The following FRMD4A variants were observed in gnomAD, a reference collection of about 807,000 sequenced individuals.
The protein encoded by FRMD4A is FERM domain containing 4A, also known as FERM domain-containing protein 4A.
In FRMD4A, 29 loss-of-function variants were observed where a neutral mutation model predicts 129.1. That is an observed-to-expected ratio of 0.22 (90% CI 0.17 to 0.31). FRMD4A has a LOEUF of 0.31. FRMD4A is among the 10% of genes least tolerant of loss of function. The pLI, the probability that FRMD4A is intolerant of heterozygous loss-of-function variation, is 1.00. For missense variants in FRMD4A, 1,272 were observed against 1,375.8 expected (o/e 0.92, Z 1.19); for synonymous variants, 634 against 571.6 (o/e 1.11, Z -1.56).
intron 2 of FRMD4A, among the ~76,000 whole-genome samples, chr10:14,150,141 C>A (rs773823915): frequency 5.9e-5 from 9 of 152,186 alleles, no homozygotes; most frequent in East Asian, 1.9e-4. Flanking sequence ...CCCCATGATC[C>A]AATCACCTCC....
At chr10:14,142,649 T>C (rs1839893203) in intron 2 of FRMD4A, among the ~76,000 whole-genome samples, 1 of 152,220 alleles carries the variant, frequency 6.6e-6, no homozygotes, top group Non-Finnish European at 1.5e-5. Context: ...TCCAATGCAG[T>C]CATTTATAGA....
intron 6 of FRMD4A, among the ~76,000 whole-genome samples, chr10:13,780,143 A>G (rs1383165620): frequency 1.3e-5 from 2 of 152,176 alleles, no homozygotes; most frequent in Non-Finnish European, 2.9e-5. Context: ...CCTGGGCAAC[A>G]TGGCAAAACC....
chr10:13,765,487 A>T (rs2092255563), intron 6 of FRMD4A, among the ~76,000 whole-genome samples: 2 of 152,126 alleles, frequency 1.3e-5, no homozygotes, highest in African/African-American at 4.8e-5. Context: ...CAATGCATTC[A>T]AGCACACCTG....
chr10:13,921,300 T>C (rs977233529), intron 2 of FRMD4A, among the ~76,000 whole-genome samples: 3 of 27,710 alleles, frequency 1.1e-4, no homozygotes, highest in African/African-American at 1.8e-4. Context: ...TCTCACTCTG[T>C]TACCCAGGCT....
chr10:13,967,107 C>A (rs544350822), intron 2 of FRMD4A, among the ~76,000 whole-genome samples: 2 of 152,166 alleles, frequency 1.3e-5, no homozygotes, highest in African/African-American at 4.8e-5. Context: ...GAGGCCGAGG[C>A]GGGCAGATCA....
intron 2 of FRMD4A, among the ~76,000 whole-genome samples, chr10:14,312,931 A>C (rs1483496199): frequency 3.3e-5 from 5 of 152,214 alleles, no homozygotes; most frequent in African/African-American, 1.2e-4. Context: ...AAGATGTTGC[A>C]TATGTGCAGA....
chr10:13,787,763 T>C (rs192165111), intron 5 of FRMD4A, among the ~76,000 whole-genome samples: 1 of 151,736 alleles, frequency 6.6e-6, no homozygotes, highest in South Asian at 2.1e-4. Context: ...TTTTTTTTTT[T>C]AATCCAGTTT....
At chr10:14,240,632 T>A (rs1350029161) in intron 2 of FRMD4A, among the ~76,000 whole-genome samples, 2 of 152,186 alleles carry the variant, frequency 1.3e-5, no homozygotes, top group Non-Finnish European at 2.9e-5. Flanking sequence ...TGTACCTGCA[T>A]AACGTTTAAC....
intron 12 of FRMD4A, among the ~76,000 whole-genome samples, chr10:13,717,616 ATT>A (rs10593675): frequency 0.79 from 102,573 of 130,114 alleles, 40,686 homozygotes; most frequent in East Asian, 0.85. Context: ...ACCCGGCTAA[ATT>A]TTTTTTTTTT....
chr10:14,254,393 G>T (rs1844539140), intron 2 of FRMD4A, among the ~76,000 whole-genome samples: 1 of 152,108 alleles, frequency 6.6e-6, no homozygotes, highest in Non-Finnish European at 1.5e-5. Flanking sequence ...CTTTGTCTGA[G>T]GTGGAAGAAG....
chr10:14,148,025 CTCTG>C (rs1159375874), intron 2 of FRMD4A, among the ~76,000 whole-genome samples: 1 of 152,146 alleles, frequency 6.6e-6, no homozygotes, highest in Non-Finnish European at 1.5e-5. Context: ...ATTCTTAGAT[CTCTG>C]TCTGGGACGA....
chr10:13,891,824 G>T, intron 2 of FRMD4A: 2 of 799,420 alleles, frequency 2.5e-6, no homozygotes, highest in Non-Finnish European at 3.0e-6. Flanking sequence ...GCCCGCTCGC[G>T]CCTCTCGCGC....
intron 12 of FRMD4A, among the ~76,000 whole-genome samples, chr10:13,734,838 TTCTATTTA>T (rs1277817418): frequency 2.3e-3 from 327 of 141,864 alleles, no homozygotes; most frequent in African/African-American, 7.9e-3. Flanking sequence ...CTTCTTCTTT[TTCTATTTA>T]TTTATTTATT....
At chr10:13,924,502 G>C (rs1340178670) in intron 2 of FRMD4A, among the ~76,000 whole-genome samples, 1 of 151,524 alleles carries the variant, frequency 6.6e-6, no homozygotes, top group African/African-American at 2.4e-5. Flanking sequence ...TCTTCCCCCA[G>C]ATAGCATCTC....
intron 15 of FRMD4A, among the ~76,000 whole-genome samples, chr10:13,683,666 G>A (rs1268826247): frequency 4.6e-5 from 7 of 151,834 alleles, no homozygotes; most frequent in African/African-American, 1.5e-4. Flanking sequence ...ACCCACAGCC[G>A]GGAGCTAACT....
At chr10:14,177,823 C>T (rs1366223526) in intron 2 of FRMD4A, among the ~76,000 whole-genome samples, 4 of 152,170 alleles carry the variant, frequency 2.6e-5, no homozygotes, top group African/African-American at 7.2e-5. Flanking sequence ...GTTGTTTACA[C>T]ACCAGCCATT....
Position 13,686,174 on chromosome 10 carries a change from C to T in FRMD4A, c.1117+7724G>A, listed in dbSNP as rs187132073. Among the ~76,000 whole-genome samples the T allele has an allele frequency of 1.8e-3, 275 of 152,340 alleles. 2 individuals are homozygous for T. Among genetic ancestry groups the T allele is most frequent in the African/African-American group, 6.4e-3 (266 of 41,586 alleles). On this transcript the variant is annotated intron_variant, in intron 15 of 24. Coordinates refer to ENST00000357447, the MANE Select transcript of FRMD4A (RefSeq NM_018027.5). The stretch of plus-strand genomic sequence containing the variant: ...AAATTAAGGCCCCTGGAATCCTGTC[C>T]ATTGTTAGACCTAAAAGGAGAGGCC...
At chr10:14,129,088 C>T (rs1839087752) in intron 2 of FRMD4A, among the ~76,000 whole-genome samples, 1 of 152,024 alleles carries the variant, frequency 6.6e-6, no homozygotes, top group Non-Finnish European at 1.5e-5. Context: ...TTTCCTCTTC[C>T]CTTCTCAAAA....
At chr10:13,858,447 A>G (rs1378024081) in intron 3 of FRMD4A, among the ~76,000 whole-genome samples, 4 of 152,228 alleles carry the variant, frequency 2.6e-5, no homozygotes, top group East Asian at 1.9e-4. Context: ...AAACAAAACA[A>G]AACAAAAAAA....
Sources: gnomAD v4.1 joint callset for allele counts (sites outside exome capture counted in the v4.1 genomes callset) on GRCh38, gnomAD v4.1.1 for gene constraint, MANE v1.5 for transcripts, NCBI Gene and HGNC (gene_info 2026-07-23, HGNC 2026-07-21) for gene names.